CNTNAP4: variants seen among roughly 807,000 people sequenced by gnomAD.
CNTNAP4 encodes contactin associated protein family member 4, also known as contactin-associated protein-like 4.
In CNTNAP4, 98 loss-of-function variants were observed where a neutral mutation model predicts 148.4. That is an observed-to-expected ratio of 0.66 (90% CI 0.56 to 0.78). CNTNAP4 has a LOEUF of 0.78. CNTNAP4 is among the 30% of genes least tolerant of loss of function. The pLI is 0.00. For synonymous variants in CNTNAP4, 730 were observed against 565.1 expected (o/e 1.29, Z -4.14); for missense variants, 1,935 against 1,565.6 (o/e 1.24, Z -3.98).
At chr16:76,503,533 T>C (rs1284445356) in intron 15 of CNTNAP4, among the ~76,000 whole-genome samples, 1 of 152,198 alleles carries the variant, frequency 6.6e-6, no homozygotes, top group East Asian at 1.9e-4. Context: ...GAATTATATA[T>C]TTTTTATTAT....
chr16:76,505,672 T>G (rs1002936007), intron 15 of CNTNAP4, among the ~76,000 whole-genome samples: 1 of 97,844 alleles, frequency 1.0e-5, no homozygotes, highest in African/African-American at 2.6e-5. Context: ...GATGTCTTAT[T>G]CAACACATCT....
chr16:76,522,268 T>C lies in CNTNAP4; in HGVS notation c.2755+11T>C, dbSNP rs372602288. On this transcript the variant is annotated intron_variant, in intron 17 of 23. Transcript: ENST00000611870. ...GTCAGCTCTTCGTGGGTAAGTTCTC[T>C]TTTTAAGCAATCATTTTATTGTATG... 1 of 1,610,396 alleles carries C rather than the reference T, an allele frequency of 6.2e-7. No individual in the cohort carries two copies. The highest frequency in any genetic ancestry group is 8.5e-7 in the Non-Finnish European group (1 of 1,177,340).
In CNTNAP4 at chr16:76,483,233, C is replaced by CT. The variant is rs1348916377; in HGVS notation, c.1882+3695_1882+3696insT. 1.3e-4 allele frequency among the ~76,000 whole-genome samples: 3 copies of CT among 23,252 alleles called. No homozygotes were observed. In the African/African-American group the frequency reaches 1.7e-3, roughly 13 times the overall value. 15.3% of individuals were successfully genotyped at this position (23,252 alleles called of 152,430 possible). A position where few individuals can be genotyped will look rare whatever the true frequency, so the allele number is the denominator to read the frequency against. On this transcript the variant is annotated intron_variant, in intron 12 of 23. Coordinates refer to ENST00000611870, the MANE Select transcript of CNTNAP4 (RefSeq NM_033401.5). ...CTCTAGTCTTTGAAGTTTTAAGAAA[C>CT]ACACACACACACACACACACACACA...
chr16:76,399,880 T>G (rs1195909517), intron 3 of CNTNAP4, among the ~76,000 whole-genome samples: 1 of 152,208 alleles, frequency 6.6e-6, no homozygotes, highest in Non-Finnish European at 1.5e-5. Flanking sequence ...TCTGCATAAG[T>G]CATTTTAATT....
intron 12 of CNTNAP4, among the ~76,000 whole-genome samples, chr16:76,486,479 C>A (rs1474498249): frequency 6.6e-6 from 1 of 151,990 alleles, no homozygotes; most frequent in African/African-American, 2.4e-5. Flanking sequence ...GAACCTCAAC[C>A]AGGTAGCAGT....
At chr16:76,380,199 T>A (rs1238678389) in intron 3 of CNTNAP4, among the ~76,000 whole-genome samples, 1 of 152,174 alleles carries the variant, frequency 6.6e-6, no homozygotes, top group Non-Finnish European at 1.5e-5. Context: ...TCATTTTGAA[T>A]AAGATATAAT....
At chr16:76,392,893 T>C (rs1336687773) in intron 3 of CNTNAP4, among the ~76,000 whole-genome samples, 2 of 152,198 alleles carry the variant, frequency 1.3e-5, no homozygotes, top group African/African-American at 2.4e-5. Flanking sequence ...AGGAGGGAAG[T>C]CAAAGTGCTT....
intron 2 of CNTNAP4, among the ~76,000 whole-genome samples, chr16:76,332,614 A>G (rs1430136324): frequency 6.6e-6 from 1 of 152,092 alleles, no homozygotes; most frequent in African/African-American, 2.4e-5. Context: ...TTATTTAAAT[A>G]TTCTTTCAGC....
intron 3 of CNTNAP4, among the ~76,000 whole-genome samples, chr16:76,376,907 T>TTGTGTG (rs5817987): frequency 0.055 from 7,926 of 143,334 alleles, 353 homozygotes; most frequent in East Asian, 0.21. Context: ...CTAACAAGGT[T>TTGTGTG]TGTGTGTGTG....
chr16:76,305,551 C>G (rs1470110537), intron 1 of CNTNAP4, among the ~76,000 whole-genome samples: 1 of 152,054 alleles, frequency 6.6e-6, no homozygotes, highest in Non-Finnish European at 1.5e-5. Flanking sequence ...AATTCCCCAT[C>G]CTTAATTTAG....
intron 17 of CNTNAP4, among the ~76,000 whole-genome samples, chr16:76,533,793 C>T (rs1010119030): frequency 2.6e-5 from 4 of 152,066 alleles, no homozygotes; most frequent in African/African-American, 9.7e-5. Context: ...CCACTTGTGA[C>T]AATGGCAATA....
chr16:76,492,125 G>A (rs1435200887), intron 13 of CNTNAP4, among the ~76,000 whole-genome samples: 1 of 152,188 alleles, frequency 6.6e-6, no homozygotes, highest in African/African-American at 2.4e-5. Context: ...GTGTGGAGAT[G>A]TTGGTCAAAG....
chr16:76,343,868 A>C (rs1308910339), intron 2 of CNTNAP4, among the ~76,000 whole-genome samples: 1 of 152,204 alleles, frequency 6.6e-6, no homozygotes, highest in Non-Finnish European at 1.5e-5. Context: ...TTTTGACATA[A>C]ACCTCATAAT....
intron 4 of CNTNAP4, among the ~76,000 whole-genome samples, chr16:76,437,970 G>A (rs1489288422): frequency 2.6e-5 from 4 of 152,100 alleles, no homozygotes; most frequent in Non-Finnish European, 5.9e-5. Flanking sequence ...TTAAAAGCCT[G>A]CTTCAGAGTT....
intron 2 of CNTNAP4, among the ~76,000 whole-genome samples, chr16:76,320,403 T>C (rs1184736350): frequency 6.6e-6 from 1 of 152,182 alleles, no homozygotes; most frequent in Non-Finnish European, 1.5e-5. Flanking sequence ...CTTGATGGTT[T>C]GGAACATTCT....
intron 1 of CNTNAP4, among the ~76,000 whole-genome samples, chr16:76,297,653 T>C (rs1384369578): frequency 2.6e-5 from 4 of 152,118 alleles, no homozygotes; most frequent in Admixed American, 2.6e-4. Context: ...TTTATCAACA[T>C]TTACTATACA....
At chr16:76,541,381 C>G (rs1024863166) in intron 21 of CNTNAP4, among the ~76,000 whole-genome samples, 1 of 152,088 alleles carries the variant, frequency 6.6e-6, no homozygotes, top group African/African-American at 2.4e-5. Context: ...ATTTTAACAT[C>G]AGAATATGTT....
chr16:76,297,239 C>T (rs1330610503), intron 1 of CNTNAP4, among the ~76,000 whole-genome samples: 2 of 152,110 alleles, frequency 1.3e-5, no homozygotes, highest in African/African-American at 2.4e-5. Flanking sequence ...ATTTCTAAAA[C>T]ACTGTTATTC....
At chr16:76,391,295 C>G (rs1020765418) in intron 3 of CNTNAP4, among the ~76,000 whole-genome samples, 3 of 152,104 alleles carry the variant, frequency 2.0e-5, no homozygotes, top group Non-Finnish European at 4.4e-5. Flanking sequence ...CTCAAATGTT[C>G]GCATTTGACG....
Sources: gnomAD v4.1 joint callset for allele counts (sites outside exome capture counted in the v4.1 genomes callset) on GRCh38, gnomAD v4.1.1 for gene constraint, MANE v1.5 for transcripts, NCBI Gene and HGNC (gene_info 2026-07-23, HGNC 2026-07-21) for gene names.